Variants in XRCC3 observed in about 807,000 individuals in gnomAD.
XRCC3 encodes the protein X-ray repair cross complementing 3.
A neutral mutation model predicts 29.2 loss-of-function variants in XRCC3; 34 were observed. The ratio of observed to expected loss-of-function variants is 1.16; its 90% CI spans 0.88 to 1.55. The LOEUF (loss-of-function observed/expected upper bound fraction) is 1.55. XRCC3 is among the 40% of genes most tolerant of loss of function. The probability of loss-of-function intolerance (pLI) is 0.00; values close to 1 mark genes in which losing one functional copy is unlikely to be tolerated. For synonymous variants in XRCC3, 223 were observed against 211.3 expected, an observed-to-expected ratio of 1.06 and a Z score of -0.48; for missense variants, 463 against 467.6, an observed-to-expected ratio of 0.99 and a Z score of 0.09.
At chr14:103,706,855 A>G in intron 6 of XRCC3, 148 bp downstream of exon 6, 1 of 933,438 alleles carries the variant, frequency 1.1e-6, no homozygotes, top group African/African-American at 1.6e-5. Flanking sequence ...TTCTGGAAGG[A>G]GCGAGGGCAA....
rs1490679076 is a variant in XRCC3, at chr14:103,697,901, G to A, written c.*897C>T. ...AGGACAGGGTCCTGCAGGTGGCCCT[G>A]CCAGGAGTCCTGCCATATCCCTACC... is the stretch of plus-strand genomic sequence containing the variant. On this transcript the variant is annotated 3_prime_UTR_variant, in exon 10 of 10. Transcript: ENST00000555055. 1.3e-5 allele frequency: 2 copies of A among 152,298 alleles called. No individual in the cohort carries two copies. The highest frequency in any genetic ancestry group is 4.8e-5 in the African/African-American group (2 of 41,318). The allele number at this position is 152,298 out of a possible 1,614,324, so 9.4% of individuals were successfully genotyped here.
intron 6 of XRCC3, chr14:103,704,905 C>T (rs1023408122): frequency 5.3e-5 from 8 of 152,174 alleles, no homozygotes; most frequent in Non-Finnish European, 7.4e-5. Flanking sequence ...GCCAGGACCC[C>T]GTGGCCCACG....
At chr14:103,706,190 C>T in intron 6 of XRCC3, 1 of 390,388 alleles carries the variant, frequency 2.6e-6, no homozygotes, top group East Asian at 7.2e-5. Flanking sequence ...ACCCTGGGTC[C>T]TGGGGATGAC....
In XRCC3 at chr14:103,699,146, G is replaced by A; in HGVS notation, c.808C>T (p.His270Tyr). The A allele has an allele frequency of 6.4e-7, 1 of 1,572,448 alleles. No individual in the cohort carries two copies. The highest frequency in any genetic ancestry group is 1.2e-5 in the South Asian group (1 of 86,868). ...GGCTGCACTCACCCCAGCGGCCCGT[G>A]TGCTGCGCCCTGCTCCTCCATGGCC... ...TEAMEEQGAA[H>Y]GPLGFWDERV... Residue 270 changes from histidine to tyrosine, a missense_variant, in exon 9 of 10, where the codon CAC (histidine) becomes TAC (tyrosine). His to Tyr is a moderately conservative substitution (Grantham distance 83, BLOSUM62 2). Coordinates refer to ENST00000555055, the MANE Select transcript of XRCC3 (RefSeq NM_005432.4).
chr14:103,706,919 C>A (rs998261634), intron 6 of XRCC3, 84 bp downstream of exon 6: 3 of 1,439,216 alleles, frequency 2.1e-6, no homozygotes, highest in Admixed American at 3.9e-5. Flanking sequence ...GAGGCGGCCA[C>A]TGCCCCACCT....
chr14:103,706,236 C>T (rs1288079263), intron 6 of XRCC3: 2 of 443,292 alleles, frequency 4.5e-6, no homozygotes. Context: ...GGTTCCCAGC[C>T]ACACCGCTGC....
rs1259985327 is a variant in XRCC3, at chr14:103,707,139, G to A, written c.270C>T (p.Asp90=). 1.7e-5 allele frequency: 26 copies of A among 1,549,538 alleles called. No homozygotes were observed. The highest frequency in any genetic ancestry group is 2.0e-5 in the Non-Finnish European group (23 of 1,146,814). The part of the protein sequence containing the change: ...QRLSLGCPVL[D]ALLRGGLPLD... ...GGGGCAGGCCACCGCGGAGCAGCGCGTCCAGCACCGGGCAGCCCAGGCTCA... is the reference window on the plus strand; with the variant it reads ...GGGGCAGGCCACCGCGGAGCAGCGCATCCAGCACCGGGCAGCCCAGGCTCA... The change falls in exon 6 of 10, where the codon GAC becomes GAT. Residue 90 remains aspartate, a synonymous_variant. Coordinates refer to ENST00000555055, the MANE Select transcript of XRCC3 (RefSeq NM_005432.4).
Position 103,704,647 on chromosome 14 carries a change from C to T in XRCC3, c.407-1320G>A, listed in dbSNP as rs3212075. On this transcript the variant is annotated intron_variant, in intron 6 of 9. Coordinates refer to ENST00000555055, the MANE Select transcript of XRCC3 (RefSeq NM_005432.4). ...GCTCTCGAACTCCTGACTTCATGAT[C>T]CGCCTGCCTCAGCCTCGGCCTCCCA... is the stretch of plus-strand genomic sequence containing the variant. 11 of 150,468 alleles carry T rather than the reference C, an allele frequency of 7.3e-5. No homozygotes were observed. In the East Asian group the frequency reaches 1.7e-3, roughly 24 times the overall value. 9.3% of individuals were successfully genotyped at this position (150,468 alleles called of 1,614,324 possible).
At position 103,699,486 on chromosome 14, in the gene XRCC3, G is replaced by C; in HGVS notation, c.652C>G (p.Pro218Ala). ...TGGCTGTCAAATTCACAGCGGAATG[G>C]GGCTGCCACCGAGTCGATGACCACC... ...RLVVIDSVAA[P>A]FRCEFDSQAS... Residue 218 changes from proline (P) to alanine (A), a missense_variant, in exon 8 of 10, where the codon CCA (proline) becomes GCA (alanine). Transcript: ENST00000555055. 4.3e-6 allele frequency: 7 copies of C among 1,612,782 alleles called. No homozygotes were observed. The highest frequency in any genetic ancestry group is 4.2e-6 in the Non-Finnish European group (5 of 1,179,936).
At chr14:103,708,478 G>A (rs1213715622) in intron 5 of XRCC3, 44 bp downstream of exon 5, 13 of 1,611,854 alleles carry the variant, frequency 8.1e-6, no homozygotes, top group Non-Finnish European at 1.1e-5. Flanking sequence ...CCATGATGCT[G>A]GAGCCACATG....
At chr14:103,700,314 C>A (rs2083057784) in intron 7 of XRCC3, 2 of 271,914 alleles carry the variant, frequency 7.4e-6, no homozygotes, top group Non-Finnish European at 1.4e-5. Context: ...AGGGGAGGAC[C>A]CCCCCAGTGA....
chr14:103,708,287 G>C, intron 5 of XRCC3: 1 of 600,740 alleles, frequency 1.7e-6, no homozygotes, highest in East Asian at 3.0e-5. Context: ...CATGGAGCAA[G>C]GTCCCCAGGA....
At chr14:103,703,635 C>T (rs545816714) in intron 6 of XRCC3, 1 of 418,642 alleles carries the variant, frequency 2.4e-6, no homozygotes, top group East Asian at 5.1e-5. Flanking sequence ...CCTGCTCCAC[C>T]CTGCCCCTCC....
chr14:103,706,067 C>T (rs761028837), intron 6 of XRCC3: 10 of 318,562 alleles, frequency 3.1e-5, no homozygotes, highest in Non-Finnish European at 5.0e-5. Flanking sequence ...ATGCCTGTGG[C>T]GTGAGCAGAC....
intron 5 of XRCC3, 126 bp from the exon 6 acceptor site, chr14:103,707,341 C>T (rs2083471199): frequency 1.1e-5 from 14 of 1,229,570 alleles, no homozygotes; most frequent in Non-Finnish European, 1.6e-5. Flanking sequence ...TGCCTGCGGT[C>T]ATGGGGGTGA....
At position 103,707,800 on chromosome 14, in the gene XRCC3, C is replaced by T. The variant is rs115524130; in HGVS notation, c.194-585G>A. ...AAGGTGGGACATGCGGTGCAGGCTG[C>T]GCTCTTGGCCTGGGGCCTGGGCCGG... On this transcript the variant is annotated intron_variant, in intron 5 of 9. Coordinates refer to ENST00000555055, the MANE Select transcript of XRCC3 (RefSeq NM_005432.4). 2.9e-3 allele frequency: 548 copies of T among 191,586 alleles called. 3 individuals are homozygous for T. Among genetic ancestry groups the T allele is most frequent in the African/African-American group, 0.012 (520 of 42,264 alleles). The allele number at this position is 191,586 out of a possible 1,614,324, so 11.9% of individuals were successfully genotyped here.
intron 2 of XRCC3, chr14:103,711,990 A>C: frequency 5.8e-6 from 2 of 347,478 alleles, no homozygotes; most frequent in East Asian, 1.5e-4. Flanking sequence ...CAGCAGAGGA[A>C]AGGGCGGGCC....
At chr14:103,706,601 G>A (rs577592964) in intron 6 of XRCC3, 17 of 374,502 alleles carry the variant, frequency 4.5e-5, no homozygotes, top group South Asian at 2.7e-4. Context: ...TCACGGGGCC[G>A]CGCCAGGAGC....
chr14:103,707,067 G>C lies in XRCC3; in HGVS notation c.342C>G (p.Thr114=), dbSNP rs762286112. The part of the protein sequence containing the change: ...ELAGRSSAGK[T]QLALQLCLAV... ...CCAGGCAGAGCTGCAGCGCCAGCTG[G>C]GTCTTCCCTGCCGAGCTGCGTCCGG... Residue 114 remains threonine, a synonymous_variant, in exon 6 of 10, where the codon ACC becomes ACG. Coordinates refer to ENST00000555055, the MANE Select transcript of XRCC3 (RefSeq NM_005432.4). The C allele has an allele frequency of 6.4e-6, 10 of 1,562,264 alleles. No homozygotes were observed. Among genetic ancestry groups the C allele is most frequent in the Non-Finnish European group, 6.9e-6 (8 of 1,155,544 alleles).
Sources: allele counts gnomAD v4.1 joint callset, GRCh38; gene constraint gnomAD v4.1.1; transcripts MANE v1.5; gene names NCBI Gene and HGNC (gene_info 2026-07-23, HGNC 2026-07-21).